The following UBR2 variants were observed in gnomAD, a reference collection of about 807,000 sequenced individuals.
UBR2 encodes E3 ubiquitin-protein ligase UBR2.
UBR2 carries 92 observed loss-of-function variants against 247.9 expected under a neutral mutation model. The observed-to-expected ratio is 0.37, with a 90% CI of 0.31 to 0.44. The LOEUF (loss-of-function observed/expected upper bound fraction) is 0.44. Ranked by LOEUF, UBR2 falls within the 20% of genes least tolerant of loss-of-function variation. The pLI is 1.00. For synonymous variants in UBR2, 672 were observed against 693.5 expected (o/e 0.97, Z 0.49); for missense variants, 1,613 against 2,112.6 (o/e 0.76, Z 4.64).
At chr6:42,638,305 A>T (rs933884880) in intron 15 of UBR2, among the ~76,000 whole-genome samples, 1 of 152,014 alleles carries the variant, frequency 6.6e-6, no homozygotes, top group Admixed American at 6.6e-5. Context: ...ATATTCCTTC[A>T]TTATCCTTTT....
At position 42,592,135 on chromosome 6, in the gene UBR2, T is replaced by A. The variant is rs772958370; in HGVS notation, c.339-16T>A. ...TTATTTTCTGACACTTTGATTTTTT[T>A]TTTTTAACTTTACAGAGACTGTGCA... On this transcript the variant is annotated splice_polypyrimidine_tract_variant and intron_variant, in intron 2 of 46. Coordinates refer to ENST00000372901, the MANE Select transcript of UBR2 (RefSeq NM_001363705.2). The A allele has an allele frequency of 4.8e-4, 769 of 1,599,228 alleles. No homozygotes were observed. The highest frequency in any genetic ancestry group is 6.2e-4 in the Non-Finnish European group (726 of 1,175,050).
At chr6:42,595,719 A>T (rs913360963) in intron 4 of UBR2, among the ~76,000 whole-genome samples, 1 of 127,694 alleles carries the variant, frequency 7.8e-6, no homozygotes, top group Admixed American at 7.8e-5. Context: ...CCCTGTCTTT[A>T]AAAAAAAAAA....
At chr6:42,653,186 G>C (rs1230818608) in intron 25 of UBR2, among the ~76,000 whole-genome samples, 1 of 152,170 alleles carries the variant, frequency 6.6e-6, no homozygotes, top group Admixed American at 6.5e-5. Context: ...CTGGGTTCAA[G>C]TGATCCCGCC....
Position 42,691,393 on chromosome 6 carries a change from AG to A in UBR2, c.*221del. 3.4e-6 allele frequency: 2 copies of A among 581,184 alleles called. No individual in the cohort carries two copies. Among genetic ancestry groups the A allele is most frequent in the Non-Finnish European group, 5.8e-6 (2 of 342,442 alleles). 36.0% of individuals were successfully genotyped at this position (581,184 alleles called of 1,614,324 possible). A position where few individuals can be genotyped will look rare whatever the true frequency, so the allele number is the denominator to read the frequency against. On this transcript the variant is annotated 3_prime_UTR_variant, in exon 47 of 47. Coordinates refer to ENST00000372901, the MANE Select transcript of UBR2 (RefSeq NM_001363705.2). ...CTCAAATATAATGTCTTGGGTTTTA[AG>A]ATCGAGCAAGGAGCTTCTCTTCCTA...
chr6:42,642,064 T>A (rs1048748592), intron 17 of UBR2, among the ~76,000 whole-genome samples: 21 of 152,120 alleles, frequency 1.4e-4, no homozygotes, highest in Admixed American at 7.9e-4. Flanking sequence ...AGGCTTGGAA[T>A]GAATTTTTTT....
chr6:42,591,287 A>C (rs1792643460), intron 2 of UBR2, among the ~76,000 whole-genome samples: 1 of 152,192 alleles, frequency 6.6e-6, no homozygotes, highest in Non-Finnish European at 1.5e-5. Context: ...GTCTGTAACT[A>C]GGGTTAAAGA....
In UBR2 at chr6:42,689,646, A is replaced by G; in HGVS notation, c.5102A>G (p.Tyr1701Cys). ...TATTCTCCTCCTTACCTTGATGACTATGGGGAGACCGACCAGGGACTCAGG... is the reference window on the plus strand; with the variant it reads ...TATTCTCCTCCTTACCTTGATGACTGTGGGGAGACCGACCAGGGACTCAGG... ...CFYSPPYLDD[Y>C]GETDQGLRRG... The change falls in exon 46 of 47, where the codon TAT (tyrosine) becomes TGT (cysteine). Residue 1701 changes from tyrosine (Y) to cysteine (C), a missense_variant. Around this residue, in one of 3 missense-constraint regions of UBR2, gnomAD observed 80 missense variants for 108.6 expected, o/e 0.74. Coordinates refer to ENST00000372901, the MANE Select transcript of UBR2 (RefSeq NM_001363705.2). This position sits in a 1 kb window ranked among gnomAD's most constrained non-coding sequence, Gnocchi z 4.0. 1 of 1,613,980 alleles carries G rather than the reference A, an allele frequency of 6.2e-7. No homozygotes were observed. Among genetic ancestry groups the G allele is most frequent in the Non-Finnish European group, 8.5e-7 (1 of 1,179,904 alleles).
intron 2 of UBR2, among the ~76,000 whole-genome samples, chr6:42,574,346 G>A (rs761620819): frequency 1.3e-5 from 2 of 152,120 alleles, no homozygotes; most frequent in Non-Finnish European, 2.9e-5. Context: ...TGAGAGCCCC[G>A]TCACACCATC....
At position 42,614,387 on chromosome 6, in the gene UBR2, TGTACGTACATACATACGTATGTATGTAC is replaced by T. The variant is rs1360431505; in HGVS notation, c.986-672_986-645del. 2.3e-4 allele frequency among the ~76,000 whole-genome samples: 29 copies of T among 127,778 alleles called. 3 individuals are homozygous for T. In the East Asian group the frequency reaches 2.4e-3, roughly 11 times the overall value. The allele number at this position is 127,778 out of a possible 152,430, so 83.8% of individuals were successfully genotyped here. A position where few individuals can be genotyped will look rare whatever the true frequency, so the allele number is the denominator to read the frequency against. Reference sequence around the variant, plus strand: ...ATGTGTGTATGTGTGTATATATGTATGTACGTACATACATACGTATGTATGTACGTACGTACATATATATGTATGTACG... The same window carrying T: ...ATGTGTGTATGTGTGTATATATGTATGTACGTACATATATATGTATGTACG... On this transcript the variant is annotated intron_variant, in intron 8 of 46. Transcript: ENST00000372901.
chr6:42,653,431 T>C (rs553116907), intron 25 of UBR2, among the ~76,000 whole-genome samples: 1 of 152,150 alleles, frequency 6.6e-6, no homozygotes, highest in South Asian at 2.1e-4. Context: ...GTTCGTACAC[T>C]ATCTCATTGA....
rs548753028 is a variant in UBR2 at position 42,660,816 on chromosome 6, A to C, written c.3442+961A>C. 1.2e-3 allele frequency among the ~76,000 whole-genome samples: 176 copies of C among 151,722 alleles called. 1 individual carries two copies. Among genetic ancestry groups the C allele is most frequent in the African/African-American group, 4.0e-3 (165 of 41,342 alleles). ...ATCTCTACTAATAGTACAAAAAAAA[A>C]ACTAGCCAAATTTGGTGGCACGCGC... On this transcript the variant is annotated intron_variant, in intron 30 of 46. Transcript: ENST00000372901.
At chr6:42,607,499 C>T (rs998026303) in intron 7 of UBR2, among the ~76,000 whole-genome samples, 1 of 151,406 alleles carries the variant, frequency 6.6e-6, no homozygotes. Context: ...AATATGGAGG[C>T]CCCTGTATTA....
intron 16 of UBR2, 46 bp from the exon 17 acceptor site, chr6:42,641,536 T>G: frequency 2.1e-6 from 3 of 1,422,378 alleles, no homozygotes; most frequent in Non-Finnish European, 2.9e-6. Flanking sequence ...TGATTTTATG[T>G]GTGTGTTTTT....
At chr6:42,681,346 ACAGATCAAGACC>A (rs1799039162) in intron 42 of UBR2, among the ~76,000 whole-genome samples, 1 of 152,154 alleles carries the variant, frequency 6.6e-6, no homozygotes, top group South Asian at 2.1e-4. Flanking sequence ...AGCCTGGATG[ACAGATCAAGACC>A]CTGTATCAAA....
chr6:42,691,624 A>G lies in UBR2; in HGVS notation c.*451A>G, dbSNP rs1799755251. 3 of 204,154 alleles carry G rather than the reference A, an allele frequency of 1.5e-5. No individual in the cohort carries two copies. The allele number at this position is 204,154 out of a possible 1,614,324, so 12.6% of individuals were successfully genotyped here. A position where few individuals can be genotyped will look rare whatever the true frequency, so the allele number is the denominator to read the frequency against. On this transcript the variant is annotated 3_prime_UTR_variant, in exon 47 of 47. Coordinates refer to ENST00000372901, the MANE Select transcript of UBR2 (RefSeq NM_001363705.2). ...GACTGGGTTGGTGTCCCCTCTGCTG[A>G]CAGGACCCTACTCCTAGGAGCAAAG...
chr6:42,602,822 T>G (rs1475281771), intron 4 of UBR2, among the ~76,000 whole-genome samples: 1 of 151,728 alleles, frequency 6.6e-6, no homozygotes, highest in African/African-American at 2.4e-5. Context: ...CCCATGATGT[T>G]GGAACATACT....
At chr6:42,609,918 A>C (rs1793965191) in intron 7 of UBR2, among the ~76,000 whole-genome samples, 1 of 151,756 alleles carries the variant, frequency 6.6e-6, no homozygotes. Flanking sequence ...AGAAAAAAAA[A>C]GATGTTGATA....
At chr6:42,575,944 G>C (rs545997420) in intron 2 of UBR2, among the ~76,000 whole-genome samples, 1 of 152,136 alleles carries the variant, frequency 6.6e-6, no homozygotes, top group Non-Finnish European at 1.5e-5. Context: ...CCTAGATTTG[G>C]TCAATAGGAG....
intron 7 of UBR2, 91 bp from the exon 8 acceptor site, chr6:42,612,080 G>A: frequency 8.2e-7 from 1 of 1,222,096 alleles, no homozygotes; most frequent in Non-Finnish European, 1.1e-6. Flanking sequence ...GATGATGATA[G>A]TGTGGTTATA....
Sources: gnomAD v4.1 joint callset for allele counts (sites outside exome capture counted in the v4.1 genomes callset) on GRCh38, gnomAD v4.1.1 for gene constraint, gnomAD v4.1.1 regional missense constraint, Gnocchi (gnomAD v3.1) non-coding constraint, MANE v1.5 for transcripts, NCBI Gene and HGNC (gene_info 2026-07-23, HGNC 2026-07-21) for gene names.